ANK1: variants seen among roughly 807,000 people sequenced by gnomAD.
The protein encoded by ANK1 is ankyrin 1, also known as ankyrin-1.
A neutral mutation model predicts 210.4 loss-of-function variants in ANK1; 51 were observed. The observed-to-expected ratio is 0.24, with a 90% CI of 0.19 to 0.31. The LOEUF (loss-of-function observed/expected upper bound fraction) is 0.31, where lower values mean the gene tolerates loss of function less well. ANK1 is among the 10% of genes least tolerant of loss of function. The probability of loss-of-function intolerance (pLI) is 1.00; values close to 1 mark genes in which losing one functional copy is unlikely to be tolerated. For missense variants in ANK1, 2,051 were observed against 2,504.4 expected, an observed-to-expected ratio of 0.82 and a Z score of 3.86; for synonymous variants, 967 against 1,025.9, an observed-to-expected ratio of 0.94 and a Z score of 1.10.
chr8:41,723,453 C>T (rs1381889205), intron 8 of ANK1, 82 bp downstream of exon 8: 12 of 1,528,340 alleles, frequency 7.9e-6, no homozygotes, highest in Non-Finnish European at 1.1e-5. Flanking sequence ...AACTAGGTCA[C>T]CAAGGGCCCG....
chr8:41,852,366 A>G (rs544810919), intron 1 of ANK1, among the ~76,000 whole-genome samples: 3 of 152,304 alleles, frequency 2.0e-5, no homozygotes, highest in African/African-American at 4.8e-5. Flanking sequence ...GAAAACTAGG[A>G]GGCCCCTGTG....
chr8:41,711,856 G>A (rs10088938), intron 16 of ANK1, among the ~76,000 whole-genome samples: 17,499 of 152,062 alleles, frequency 0.12, 2,786 homozygotes, highest in African/African-American at 0.36. Flanking sequence ...TTGGCTCAGA[G>A]TAAACCTCCA....
chr8:41,854,711 A>T (rs1811868194), intron 1 of ANK1, among the ~76,000 whole-genome samples: 1 of 152,158 alleles, frequency 6.6e-6, no homozygotes, highest in Admixed American at 6.5e-5. Context: ...AGGCCAACAG[A>T]GGAGGGTGAC....
At chr8:41,823,507 A>G (rs1385913695) in intron 1 of ANK1, among the ~76,000 whole-genome samples, 1 of 152,142 alleles carries the variant, frequency 6.6e-6, no homozygotes, top group Non-Finnish European at 1.5e-5. Flanking sequence ...AGCTCAAGAA[A>G]TAGCACTTTG....
At chr8:41,723,484 GA>G (rs773494002) in intron 8 of ANK1, 50 bp downstream of exon 8, 4 of 1,596,898 alleles carry the variant, frequency 2.5e-6, no homozygotes, top group South Asian at 1.1e-5. Flanking sequence ...TGAGGCTTGT[GA>G]GGGGGGACCT....
intron 1 of ANK1, among the ~76,000 whole-genome samples, chr8:41,820,811 A>T (rs1804141174): frequency 6.6e-6 from 1 of 152,200 alleles, no homozygotes; most frequent in Non-Finnish European, 1.5e-5. Context: ...GACTTGATGA[A>T]GGGTCACATT....
At chr8:41,872,903 G>A (rs552325715) in intron 1 of ANK1, among the ~76,000 whole-genome samples, 2 of 152,204 alleles carry the variant, frequency 1.3e-5, no homozygotes, top group Admixed American at 1.3e-4. Flanking sequence ...GTAGGGTCCA[G>A]GTCTCTGTTG....
At chr8:41,824,534 C>A (rs1805023246) in intron 1 of ANK1, among the ~76,000 whole-genome samples, 1 of 152,138 alleles carries the variant, frequency 6.6e-6, no homozygotes, top group Non-Finnish European at 1.5e-5. Context: ...AATTCTATTT[C>A]CACAGAAAAG....
Position 41,734,011 on chromosome 8 carries a change from T to G in ANK1, c.188A>C (p.Glu63Ala). 6.2e-7 allele frequency: 1 copy of G among 1,614,260 alleles called. No individual in the cohort carries two copies. The highest frequency in any genetic ancestry group is 1.1e-5 in the South Asian group (1 of 91,092). The change falls in exon 3 of 43, where the codon GAA becomes GCA. Residue 63 changes from glutamate (E) to alanine (A), a missense_variant. Transcript: ENST00000289734. Reference sequence around the variant, plus strand: ...TAGAATGATTTCTTTGTGCAGAAGTTCAACCACCATTTTCACATGGCCTTC... The same window carrying G: ...TAGAATGATTTCTTTGTGCAGAAGTGCAACCACCATTTTCACATGGCCTTC... Reference protein sequence around the residue: ...SKEGHVKMVVELLHKEIILET... With the variant: ...SKEGHVKMVVALLHKEIILET...
intron 37 of ANK1, among the ~76,000 whole-genome samples, chr8:41,678,964 T>G (rs537817151): frequency 1.1e-4 from 17 of 152,102 alleles, no homozygotes; most frequent in Non-Finnish European, 2.4e-4. Context: ...TTTTGTATTT[T>G]TAGTAGAGAC....
intron 35 of ANK1, among the ~76,000 whole-genome samples, chr8:41,687,169 T>C (rs1817913873): frequency 6.6e-6 from 1 of 152,162 alleles, no homozygotes; most frequent in Non-Finnish European, 1.5e-5. Flanking sequence ...AGTCCACTCA[T>C]ATAAAAGCTA....
chr8:41,890,809 T>C (rs1819299790), intron 1 of ANK1, among the ~76,000 whole-genome samples: 2 of 151,368 alleles, frequency 1.3e-5, no homozygotes, highest in South Asian at 4.2e-4. Context: ...GGGGAAACAA[T>C]AGATTTACTT....
intron 1 of ANK1, among the ~76,000 whole-genome samples, chr8:41,787,836 G>C (rs879539350): frequency 6.6e-6 from 1 of 151,964 alleles, no homozygotes; most frequent in Non-Finnish European, 1.5e-5. Flanking sequence ...AAGGCAGGCA[G>C]GCAGGAAGGA....
chr8:41,734,788 A>C (rs1833028200), intron 2 of ANK1, among the ~76,000 whole-genome samples: 1 of 152,054 alleles, frequency 6.6e-6, no homozygotes, highest in Admixed American at 6.6e-5. Flanking sequence ...CTATAGTCCC[A>C]GCTACTCAGG....
intron 1 of ANK1, among the ~76,000 whole-genome samples, chr8:41,842,077 A>T (rs535475661): frequency 6.6e-6 from 1 of 152,362 alleles, no homozygotes; most frequent in East Asian, 1.9e-4. Flanking sequence ...GGAAGCAAGA[A>T]GGCACTGCTC....
chr8:41,656,269 G>A (rs979514483), intron 42 of ANK1, among the ~76,000 whole-genome samples: 1 of 152,270 alleles, frequency 6.6e-6, no homozygotes, highest in Non-Finnish European at 1.5e-5. Context: ...GCCAGCCTTG[G>A]GAACCCAGGG....
At chr8:41,741,323 G>A (rs1342233320) in intron 2 of ANK1, among the ~76,000 whole-genome samples, 1 of 152,172 alleles carries the variant, frequency 6.6e-6, no homozygotes, top group East Asian at 1.9e-4. Context: ...GCTGTCGAGG[G>A]GGCCTCCTCT....
At chr8:41,862,653 G>A in intron 1 of ANK1, among the ~76,000 whole-genome samples, 2 of 134,112 alleles carry the variant, frequency 1.5e-5, no homozygotes, top group African/African-American at 6.1e-5. Context: ...GAGAGAGGAG[G>A]CTCAGACAAA....
intron 3 of ANK1, among the ~76,000 whole-genome samples, chr8:41,733,455 A>G (rs150005612): frequency 6.6e-6 from 1 of 152,238 alleles, no homozygotes. Context: ...CAATAAATGC[A>G]TCCAATAAGT....
Sources: allele counts gnomAD v4.1 joint callset (sites outside exome capture counted in the v4.1 genomes callset), GRCh38; gene constraint gnomAD v4.1.1; transcripts MANE v1.5; gene names NCBI Gene and HGNC (gene_info 2026-07-23, HGNC 2026-07-21).